Variants in PDE12 observed in about 807,000 individuals in gnomAD.
PDE12 encodes 2',5'-phosphodiesterase 12.
In PDE12, 26 loss-of-function variants were observed where a neutral mutation model predicts 45.4. That is an observed-to-expected ratio of 0.57 (90% CI 0.42 to 0.79). The LOEUF (loss-of-function observed/expected upper bound fraction) is 0.79, where lower values mean the gene tolerates loss of function less well. Ranked by LOEUF, PDE12 falls within the 30% of genes least tolerant of loss-of-function variation. PDE12 has a pLI of 0.00. For synonymous variants in PDE12, 283 were observed against 323.9 expected, an observed-to-expected ratio of 0.87 and a Z score of 1.36; for missense variants, 668 against 790.0, an observed-to-expected ratio of 0.85 and a Z score of 1.85.
At chr3:57,592,071 AT>A in the PDE12 span, among the ~76,000 whole-genome samples, 3 of 152,116 alleles carry the variant, frequency 2.0e-5, no homozygotes, top group African/African-American at 7.2e-5. Flanking sequence ...TTATATCTTG[AT>A]TTTTTTATTA....
chr3:57,602,292 C>T, the PDE12 span, among the ~76,000 whole-genome samples: 1 of 152,174 alleles, frequency 6.6e-6, no homozygotes, highest in Non-Finnish European at 1.5e-5. Flanking sequence ...GCCATTTCCT[C>T]CTAACCTTTG....
intron 1 of PDE12, among the ~76,000 whole-genome samples, chr3:57,558,930 A>G (rs2069695874): frequency 6.6e-6 from 1 of 151,932 alleles, no homozygotes; most frequent in South Asian, 2.1e-4. Context: ...TTAGTCTTAG[A>G]TAAAAAACAG....
the PDE12 span, among the ~76,000 whole-genome samples, chr3:57,604,252 A>C: frequency 6.6e-6 from 1 of 152,098 alleles, no homozygotes; most frequent in Non-Finnish European, 1.5e-5. Context: ...CAGTTACTTA[A>C]ATATCTTCTA....
chr3:57,647,345 T>C, the PDE12 span, among the ~76,000 whole-genome samples: 3 of 152,226 alleles, frequency 2.0e-5, no homozygotes, highest in Admixed American at 6.5e-5. Flanking sequence ...CTCTTCCTCT[T>C]CCCTTCCTAA....
chr3:57,626,613 G>T, the PDE12 span: 7 of 152,184 alleles, frequency 4.6e-5, no homozygotes, highest in African/African-American at 1.7e-4. Flanking sequence ...GGAGGCTGAG[G>T]CAGGACAATC....
the PDE12 span, among the ~76,000 whole-genome samples, chr3:57,635,562 A>G: frequency 6.6e-6 from 1 of 152,222 alleles, no homozygotes; most frequent in African/African-American, 2.4e-5. Flanking sequence ...TCTAGAGATT[A>G]TATTATTATA....
At chr3:57,614,669 G>A in the PDE12 span, among the ~76,000 whole-genome samples, 3 of 146,998 alleles carry the variant, frequency 2.0e-5, no homozygotes, top group Non-Finnish European at 4.5e-5. Context: ...TCAGCCTCCC[G>A]AGTAGCTGAG....
At chr3:57,634,827 T>G in the PDE12 span, 2 of 1,359,154 alleles carry the variant, frequency 1.5e-6, no homozygotes, top group African/African-American at 3.0e-5. Context: ...ATTACAAAAT[T>G]GGAACTTTAT....
Position 57,557,672 on chromosome 3 carries a change from A to T in PDE12, c.1293A>T (p.Arg431Ser), listed in dbSNP as rs2069681916. 1 of 1,613,604 alleles carries T rather than the reference A, an allele frequency of 6.2e-7. No individual in the cohort carries two copies. Among genetic ancestry groups the T allele is most frequent in the Non-Finnish European group, 8.5e-7 (1 of 1,179,804 alleles). ...YPSAQEKVLQ[R>S]SSVLQVSVLQ... ...CAGCGCAGGAGAAGGTGCTCCAGAG[A>T]TCTTCTGTTCTTCAGGTAAAGTAGT... is the stretch of plus-strand genomic sequence containing the variant. Residue 431 changes from arginine to serine, a missense_variant, in exon 1 of 3, where the codon AGA (arginine) becomes AGT (serine). Arg to Ser is a moderately radical substitution (Grantham distance 110, BLOSUM62 -1). Transcript: ENST00000311180.
the PDE12 span, among the ~76,000 whole-genome samples, chr3:57,591,140 T>C: frequency 6.6e-6 from 1 of 152,144 alleles, no homozygotes; most frequent in African/African-American, 2.4e-5. Context: ...TAAACGAGGA[T>C]GTAAAATGGA....
At chr3:57,631,432 G>A in the PDE12 span, among the ~76,000 whole-genome samples, 1 of 152,130 alleles carries the variant, frequency 6.6e-6, no homozygotes, top group Admixed American at 6.5e-5. Flanking sequence ...CTGACCTCAT[G>A]ATCCACCTGC....
chr3:57,600,376 T>TTTCTCTTTCTTTTCTTTCC, the PDE12 span, among the ~76,000 whole-genome samples: 1 of 151,798 alleles, frequency 6.6e-6, no homozygotes, highest in African/African-American at 2.4e-5. Flanking sequence ...CTTTTCTTTC[T>TTTCTCTTTCTTTTCTTTCC]TTCTCTTTCT....
the PDE12 span, among the ~76,000 whole-genome samples, chr3:57,599,207 A>C: frequency 6.6e-6 from 1 of 152,236 alleles, no homozygotes; most frequent in Non-Finnish European, 1.5e-5. Flanking sequence ...TCCAGGGCAT[A>C]GATAGATAAG....
chr3:57,646,264 G>C, the PDE12 span: 1 of 1,578,760 alleles, frequency 6.3e-7, no homozygotes, highest in Non-Finnish European at 8.6e-7. Context: ...AACAGGTTAA[G>C]TACTGCAGCA....
chr3:57,645,854 G>A, the PDE12 span: 1 of 758,512 alleles, frequency 1.3e-6, no homozygotes, highest in Non-Finnish European at 2.1e-6. Context: ...ACACACAAAG[G>A]GATACTTTGT....
At chr3:57,584,344 C>T in the PDE12 span, 1 of 1,445,136 alleles carries the variant, frequency 6.9e-7, no homozygotes, top group Non-Finnish European at 9.7e-7. Flanking sequence ...TTTCACTTTA[C>T]AACATATCAT....
chr3:57,623,646 T>C, the PDE12 span, among the ~76,000 whole-genome samples: 1 of 152,324 alleles, frequency 6.6e-6, no homozygotes, highest in Middle Eastern at 3.4e-3. Context: ...GCCATTGCAC[T>C]TCAGCCTGGG....
the PDE12 span, among the ~76,000 whole-genome samples, chr3:57,631,892 T>C: frequency 6.6e-6 from 1 of 150,772 alleles, no homozygotes. Flanking sequence ...CCGGCTAATT[T>C]TTTGTATTTT....
At chr3:57,593,502 C>T in the PDE12 span, among the ~76,000 whole-genome samples, 1 of 152,182 alleles carries the variant, frequency 6.6e-6, no homozygotes, top group Non-Finnish European at 1.5e-5. Flanking sequence ...ACCACAGTCA[C>T]ATTCAAGACA....
Sources: gnomAD v4.1 joint callset for allele counts (sites outside exome capture counted in the v4.1 genomes callset) on GRCh38, gnomAD v4.1.1 for gene constraint, MANE v1.5 for transcripts, NCBI Gene and HGNC (gene_info 2026-07-23, HGNC 2026-07-21) for gene names.